The following LMF1 variants were observed in gnomAD, a reference collection of about 807,000 sequenced individuals.
LMF1 encodes the protein lipase maturation factor 1.
A neutral mutation model predicts 60.6 loss-of-function variants in LMF1; 68 were observed. The observed-to-expected ratio is 1.12, with a 90% CI of 0.92 to 1.37. The LOEUF is 1.37. Ranked by LOEUF, LMF1 falls within the 40% of genes most tolerant of loss-of-function variation. The pLI, the probability that LMF1 is intolerant of heterozygous loss-of-function variation, is 0.00. For synonymous variants in LMF1, 418 were observed against 324.7 expected, an observed-to-expected ratio of 1.29 and a Z score of -3.09; for missense variants, 948 against 767.2, an observed-to-expected ratio of 1.24 and a Z score of -2.78.
At chr16:910,809 G>A in intron 4 of LMF1, 122 bp downstream of exon 4, 1 of 1,280,114 alleles carries the variant, frequency 7.8e-7, no homozygotes, top group Non-Finnish European at 1.1e-6. Context: ...GGCCAGGCCA[G>A]GCCGACAGGA....
chr16:891,450 G>A (rs56228702), intron 5 of LMF1, among the ~76,000 whole-genome samples: 57,678 of 152,052 alleles, frequency 0.38, 12,049 homozygotes, highest in African/African-American at 0.54. Context: ...ATGGAAAGCT[G>A]TGCGGGACGG....
At chr16:975,322 A>AT (rs761547970), upstream of LMF1, among the ~76,000 whole-genome samples, 744 of 147,800 alleles carry the variant, frequency 5.0e-3, 5 homozygotes, top group African/African-American at 7.2e-3. Flanking sequence ...CGAATGTGTA[A>AT]TTTTTTTTTT....
chr16:905,298 C>T, intron 4 of LMF1: 1 of 156,386 alleles, frequency 6.4e-6, no homozygotes, highest in Non-Finnish European at 1.4e-5. Context: ...CCTGTCTCTG[C>T]TGCGTGGTGG....
Position 954,527 on chromosome 16 carries a change from G to A in LMF1, c.333C>T (p.Pro111=), listed in dbSNP as rs758294847. ...ACCAGTCCATCAGCCAGAGGATGGT[G>A]GGCATGTAGCTGAAGACTTCCCAGC... ...RTSWEVFSYM[P]TILWLMDWSD... Residue 111 remains proline (P), a synonymous_variant, in exon 2 of 11, where the codon CCC becomes CCT. Coordinates refer to ENST00000262301, the MANE Select transcript of LMF1 (RefSeq NM_022773.4). 6.2e-7 allele frequency: 1 copy of A among 1,612,908 alleles called. No homozygotes were observed. The highest frequency in any genetic ancestry group is 1.3e-5 in the African/African-American group (1 of 74,920).
chr16:958,257 TG>T (rs1314246070), intron 1 of LMF1, among the ~76,000 whole-genome samples: 1 of 152,180 alleles, frequency 6.6e-6, no homozygotes, highest in African/African-American at 2.4e-5. Context: ...TTTATCAAAC[TG>T]AAAAACTTTT....
At chr16:919,530 G>A (rs1021147662) in intron 3 of LMF1, among the ~76,000 whole-genome samples, 7 of 66,614 alleles carry the variant, frequency 1.1e-4, no homozygotes, top group East Asian at 4.1e-4. Context: ...CAAGGGGCCC[G>A]GAGGCCGCTG....
In LMF1 at chr16:954,419, G is replaced by C. The variant is rs182685983; in HGVS notation, c.441C>G (p.Asn147Lys). Residue 147 changes from asparagine to lysine, a missense_variant, in exon 2 of 11, where the codon AAC (asparagine) becomes AAG (lysine). Physicochemically the swap from Asn to Lys is moderately conservative, Grantham distance 94. Transcript: ENST00000262301. ...SSFVLITGCA[N>K]MLLMAALWGL... ...CCCACAGGGCAGCCATGAGAAGCAT[G>C]TTGGCGCAGCCCGTGATCAGTACGA... 43 of 1,613,114 alleles carry C rather than the reference G, an allele frequency of 2.7e-5. 1 individual carries two copies. The Admixed American group carries it at 6.2e-4, about 23-fold the overall frequency.
At chr16:927,691 G>A (rs968638820) in intron 3 of LMF1, among the ~76,000 whole-genome samples, 3 of 152,250 alleles carry the variant, frequency 2.0e-5, no homozygotes, top group Non-Finnish European at 4.4e-5. Flanking sequence ...CTCACCCGGC[G>A]ATCGCTTCCC....
intron 10 of LMF1, among the ~76,000 whole-genome samples, chr16:861,019 T>G (rs1229452216): frequency 8.2e-6 from 1 of 122,562 alleles, no homozygotes; most frequent in African/African-American, 6.4e-5. Context: ...TTGCTGGGTT[T>G]TTTTTTTAAT....
At chr16:859,211 G>C (rs578090042) in intron 10 of LMF1, among the ~76,000 whole-genome samples, 1 of 128,166 alleles carries the variant, frequency 7.8e-6, no homozygotes, top group Admixed American at 7.3e-5. Flanking sequence ...GTGGTGTCTC[G>C]GGACGGGTGT....
intron 2 of LMF1, among the ~76,000 whole-genome samples, chr16:949,799 G>A (rs1384689690): frequency 1.8e-5 from 2 of 110,690 alleles, no homozygotes; most frequent in East Asian, 2.6e-4. Flanking sequence ...CAGAGCCAAC[G>A]ACAGAGTCAG....
chr16:979,997 G>T (rs756470138), intron 1 of LMF1: 55 of 340,056 alleles, frequency 1.6e-4, no homozygotes, highest in Non-Finnish European at 2.7e-4. Context: ...TCCCAGGCAG[G>T]TGCCGGAGCC....
intron 3 of LMF1, among the ~76,000 whole-genome samples, chr16:911,609 GGGGC>G (rs2071120321): frequency 2.8e-5 from 1 of 35,370 alleles, no homozygotes; most frequent in East Asian, 9.1e-4. Context: ...CAGCACTGGG[GGGGC>G]AGCACTTGGG....
At chr16:934,907 A>T (rs72759476) in intron 2 of LMF1, among the ~76,000 whole-genome samples, 9,624 of 151,506 alleles carry the variant, frequency 0.064, 311 homozygotes, top group Non-Finnish European at 0.073. Flanking sequence ...TCTAGAAGAA[A>T]CCCCCTCTGC....
At chr16:857,150 T>C (rs1294873766) in intron 10 of LMF1, among the ~76,000 whole-genome samples, 1 of 152,250 alleles carries the variant, frequency 6.6e-6, no homozygotes, top group Admixed American at 6.5e-5. Context: ...CACCCTAGTT[T>C]GTGCGGTCGC....
intron 6 of LMF1, among the ~76,000 whole-genome samples, chr16:876,160 G>A (rs1234805722): frequency 3.3e-5 from 5 of 152,268 alleles, no homozygotes; most frequent in Admixed American, 6.5e-5. Context: ...ACCGGGGCAC[G>A]TGCGGACCAC....
chr16:858,987 GC>G (rs1272046694), intron 10 of LMF1, among the ~76,000 whole-genome samples: 8 of 92,562 alleles, frequency 8.6e-5, no homozygotes, highest in South Asian at 8.6e-4. Context: ...GGACGGGTGT[GC>G]AGTGGTGTCA....
chr16:977,426 G>A (rs1567349897), intron 1 of LMF1, among the ~76,000 whole-genome samples: 2 of 152,268 alleles, frequency 1.3e-5, no homozygotes, highest in Non-Finnish European at 2.9e-5. Flanking sequence ...CACAGCCTGC[G>A]CCGGCCCAGC....
Position 870,871 on chromosome 16 carries a change from G to T in LMF1, c.1090C>A (p.Arg364=). 1 of 1,607,080 alleles carries T rather than the reference G, an allele frequency of 6.2e-7. No homozygotes were observed. The highest frequency in any genetic ancestry group is 8.5e-7 in the Non-Finnish European group (1 of 1,179,042). ...RPEPRFGSVV[R]RAANVSLGVL... ...CCCAGCGAGACGTTGGCTGCACGCC[G>T]CACCACGGAGCCTGGCAGGGGAGTG... Residue 364 remains arginine (R), a synonymous_variant, in exon 8 of 11, where the codon CGG becomes AGG. Transcript: ENST00000262301.
Sources: allele counts gnomAD v4.1 joint callset (sites outside exome capture counted in the v4.1 genomes callset), GRCh38; gene constraint gnomAD v4.1.1; transcripts MANE v1.5; gene names NCBI Gene and HGNC (gene_info 2026-07-23, HGNC 2026-07-21).